The following CSRNP3 variants were observed in gnomAD, a reference collection of about 807,000 sequenced individuals.
CSRNP3 encodes the protein cysteine and serine rich nuclear protein 3, also known as cysteine/serine-rich nuclear protein 3.
A neutral mutation model predicts 48.0 loss-of-function variants in CSRNP3; 12 were observed. That is an observed-to-expected ratio of 0.25 (90% CI 0.16 to 0.41). The LOEUF (loss-of-function observed/expected upper bound fraction) is 0.41. Ranked by LOEUF, CSRNP3 falls within the 10% of genes least tolerant of loss-of-function variation. The pLI, the probability that CSRNP3 is intolerant of heterozygous loss-of-function variation, is 1.00. For missense variants in CSRNP3, 580 were observed against 724.4 expected, an observed-to-expected ratio of 0.80 and a Z score of 2.29; for synonymous variants, 263 against 269.7, an observed-to-expected ratio of 0.98 and a Z score of 0.24.
intron 2 of CSRNP3, among the ~76,000 whole-genome samples, chr2:165,515,736 A>G (rs1327508161): frequency 6.6e-6 from 1 of 151,782 alleles, no homozygotes; most frequent in Non-Finnish European, 1.5e-5. Context: ...ATTTATAGAC[A>G]TATGCAACTC....
chr2:165,544,432 G>A (rs1204808169), intron 3 of CSRNP3, among the ~76,000 whole-genome samples: 1 of 152,058 alleles, frequency 6.6e-6, no homozygotes, highest in Non-Finnish European at 1.5e-5. Context: ...TGATTAAAAG[G>A]GAGAACCATT....
rs374031933 is a variant in CSRNP3 at position 165,658,052 on chromosome 2, C to T, written c.408+32C>T. 26 of 1,592,006 alleles carry T rather than the reference C, an allele frequency of 1.6e-5. No homozygotes were observed. The African/African-American group carries it at 3.1e-4, about 19-fold the overall frequency. On this transcript the variant is annotated intron_variant, in intron 5 of 6. Transcript: ENST00000651982. The stretch of plus-strand genomic sequence containing the variant: ...AACAAACTCATTTTCTGCAAAGTCT[C>T]ATATCCTTACAGCAATTTGATTGAG...
In CSRNP3 at chr2:165,676,395, C is replaced by A. The variant is rs1367331293; in HGVS notation, c.492C>A (p.Asp164Glu). The change falls in exon 6 of 7, where the codon GAC (aspartate) becomes GAA (glutamate). Residue 164 changes from aspartate (D) to glutamate (E), a missense_variant. Asp to Glu is a conservative substitution (Grantham distance 45). Transcript: ENST00000651982. ...DDISDDDIDL[D>E]NTEVDEYFFL... Reference sequence around the variant, plus strand: ...TTTCTGATGATGACATTGACCTGGACAACACAGAGGTAGATGAGTACTTCT... The same window carrying A: ...TTTCTGATGATGACATTGACCTGGAAAACACAGAGGTAGATGAGTACTTCT... 1 of 1,613,912 alleles carries A rather than the reference C, an allele frequency of 6.2e-7. No homozygotes were observed. The highest frequency in any genetic ancestry group is 1.1e-5 in the South Asian group (1 of 91,078).
chr2:165,679,028 G>A lies in CSRNP3; in HGVS notation c.1033G>A (p.Glu345Lys), dbSNP rs1687477656. The change falls in exon 7 of 7, where the codon GAA becomes AAA. Residue 345 changes from glutamate to lysine, a missense_variant. Coordinates refer to ENST00000651982, the MANE Select transcript of CSRNP3 (RefSeq NM_001172173.2). ...ELDCQGEEEE[E>K]EEDGSSFCSG... ...AGATTGCCAAGGAGAGGAGGAGGAA[G>A]AAGAGGAGGATGGGAGCAGCTTTTG... 6.2e-7 allele frequency: 1 copy of A among 1,614,022 alleles called. No homozygotes were observed. The highest frequency in any genetic ancestry group is 8.5e-7 in the Non-Finnish European group (1 of 1,180,002).
In CSRNP3 at chr2:165,679,396, G is replaced by C; in HGVS notation, c.1401G>C (p.Leu467=). 6.2e-7 allele frequency: 1 copy of C among 1,613,072 alleles called. No homozygotes were observed. Among genetic ancestry groups the C allele is most frequent in the South Asian group, 1.1e-5 (1 of 91,034 alleles). Residue 467 remains leucine (L), a synonymous_variant, in exon 7 of 7, where the codon CTG becomes CTC. Transcript: ENST00000651982. Reference sequence around the variant, plus strand: ...CTGTCAAAAATGGTACCCTTTCGCTGGTGCCTTACACCATGACCCCGGAGC... The same window carrying C: ...CTGTCAAAAATGGTACCCTTTCGCTCGTGCCTTACACCATGACCCCGGAGC... ...RDTVKNGTLS[L]VPYTMTPEQF...
intron 3 of CSRNP3, among the ~76,000 whole-genome samples, chr2:165,553,646 A>C (rs1007888964): frequency 4.6e-5 from 7 of 152,156 alleles, no homozygotes; most frequent in African/African-American, 1.7e-4. Flanking sequence ...TTTCACTGAT[A>C]AAATAAAAGC....
At chr2:165,570,054 G>T (rs1685348225) in intron 3 of CSRNP3, among the ~76,000 whole-genome samples, 1 of 151,798 alleles carries the variant, frequency 6.6e-6, no homozygotes, top group Admixed American at 6.6e-5. Context: ...CTTGGTTAAA[G>T]CCAATTTAAA....
Position 165,657,842 on chromosome 2 carries a change from G to A in CSRNP3, c.230G>A (p.Arg77Lys). The A allele has an allele frequency of 6.2e-7, 1 of 1,614,058 alleles. No individual in the cohort carries two copies. Among genetic ancestry groups the A allele is most frequent in the Non-Finnish European group, 8.5e-7 (1 of 1,180,004 alleles). ...TGTGTCACCGTGTACTACTTCACCA[G>A]GAGGCAAGGCTTCACAAGTGTGCCC... is the stretch of plus-strand genomic sequence containing the variant. Reference protein sequence around the residue: ...FSCVTVYYFTRRQGFTSVPSQ... With the variant: ...FSCVTVYYFTKRQGFTSVPSQ... The change falls in exon 5 of 7, where the codon AGG (arginine) becomes AAG (lysine). Residue 77 changes from arginine to lysine, a missense_variant. Around this residue, in one of 4 missense-constraint regions of CSRNP3, gnomAD observed 83 missense variants for 139.6 expected, o/e 0.59. Transcript: ENST00000651982.
At chr2:165,543,642 T>G (rs1050588161) in intron 3 of CSRNP3, among the ~76,000 whole-genome samples, 27 of 152,140 alleles carry the variant, frequency 1.8e-4, no homozygotes, top group South Asian at 2.1e-4. Flanking sequence ...AATACTAGGA[T>G]TTAGCTTAGT....
At chr2:165,600,916 T>G (rs1300987117) in intron 4 of CSRNP3, among the ~76,000 whole-genome samples, 2 of 152,218 alleles carry the variant, frequency 1.3e-5, no homozygotes, top group African/African-American at 2.4e-5. Context: ...TTGTTTGGTA[T>G]GTGTCAACAG....
intron 3 of CSRNP3, among the ~76,000 whole-genome samples, chr2:165,574,675 G>C (rs1254974868): frequency 6.6e-6 from 1 of 152,050 alleles, no homozygotes; most frequent in Non-Finnish European, 1.5e-5. Context: ...TCCATTTCGG[G>C]GGTAAGTTCT....
At chr2:165,518,382 C>G (rs1418564046) in intron 3 of CSRNP3, among the ~76,000 whole-genome samples, 3 of 151,798 alleles carry the variant, frequency 2.0e-5, no homozygotes, top group Non-Finnish European at 4.4e-5. Flanking sequence ...TTCTGAAATT[C>G]CTTGAATTCT....
chr2:165,652,335 C>T (rs1396226463), intron 4 of CSRNP3, among the ~76,000 whole-genome samples: 2 of 151,746 alleles, frequency 1.3e-5, no homozygotes, highest in Admixed American at 6.6e-5. Context: ...CAAGGTGAAA[C>T]CCCCTCTCTA....
chr2:165,588,470 A>AT (rs1441912530), intron 3 of CSRNP3, among the ~76,000 whole-genome samples: 1 of 152,230 alleles, frequency 6.6e-6, no homozygotes, highest in East Asian at 1.9e-4. Flanking sequence ...CGAGAGAATA[A>AT]TTGGGAGGCC....
At chr2:165,593,976 G>A (rs552798373) in intron 3 of CSRNP3, among the ~76,000 whole-genome samples, 103 of 152,170 alleles carry the variant, frequency 6.8e-4, no homozygotes, top group Non-Finnish European at 1.2e-3. Context: ...ACTTTGTTTT[G>A]TTCACAAAAT....
At chr2:165,574,426 A>C in intron 3 of CSRNP3, 1 of 1,546,570 alleles carries the variant, frequency 6.5e-7, no homozygotes, top group Non-Finnish European at 8.7e-7. Flanking sequence ...TATATAGTGC[A>C]CGCAGGTATG....
At chr2:165,600,081 C>T (rs1485371463) in intron 4 of CSRNP3, among the ~76,000 whole-genome samples, 2 of 138,142 alleles carry the variant, frequency 1.4e-5, no homozygotes, top group African/African-American at 5.5e-5. Flanking sequence ...TATCCCTCCC[C>T]GCTCCCCCCA....
intron 1 of CSRNP3, among the ~76,000 whole-genome samples, chr2:165,480,376 G>C (rs1487880898): frequency 6.6e-6 from 1 of 152,124 alleles, no homozygotes; most frequent in Non-Finnish European, 1.5e-5. Context: ...ATCTCACAGT[G>C]TTCACATGTC....
chr2:165,479,368 A>G (rs1260732944), intron 1 of CSRNP3, among the ~76,000 whole-genome samples: 1 of 152,218 alleles, frequency 6.6e-6, no homozygotes, highest in Non-Finnish European at 1.5e-5. Flanking sequence ...TATGATTTCA[A>G]GTGCCCAAAT....
Sources: allele counts gnomAD v4.1 joint callset (sites outside exome capture counted in the v4.1 genomes callset), GRCh38; gene constraint gnomAD v4.1.1; regional missense constraint gnomAD v4.1.1; transcripts MANE v1.5; gene names NCBI Gene and HGNC (gene_info 2026-07-23, HGNC 2026-07-21).